Variants in DST observed in about 807,000 individuals in gnomAD.
DST encodes bullous pemphigoid antigen.
DST carries 253 observed loss-of-function variants against 875.2 expected under a neutral mutation model. The ratio of observed to expected loss-of-function variants is 0.29; its 90% CI spans 0.26 to 0.32. The LOEUF (loss-of-function observed/expected upper bound fraction) is 0.32. Among genes scored for constraint, DST ranks in the 10% least tolerant of loss-of-function variants. DST has a pLI of 1.00. For synonymous variants in DST, 3,124 were observed against 3,197.1 expected (o/e 0.98, Z 0.77); for missense variants, 8,287 against 9,111.6 (o/e 0.91, Z 3.68).
chr6:56,652,961 A>C (rs908695801), intron 10 of DST, among the ~76,000 whole-genome samples: 6 of 152,254 alleles, frequency 3.9e-5, no homozygotes, highest in African/African-American at 1.4e-4. Context: ...ATAGCAGTCT[A>C]GACAAAAACA....
chr6:56,823,258 A>C (rs1347712965), intron 4 of DST, among the ~76,000 whole-genome samples: 1 of 152,162 alleles, frequency 6.6e-6, no homozygotes, highest in East Asian at 1.9e-4. Flanking sequence ...GCCTCCCCTC[A>C]GTATTTTTGT....
chr6:56,619,861 G>A, intron 36 of DST: 1 of 1,614,040 alleles, frequency 6.2e-7, no homozygotes, highest in Non-Finnish European at 8.5e-7. Flanking sequence ...CAAGCTGGAG[G>A]GCATTAAGTT....
At chr6:56,843,126 G>A (rs749798463) in intron 4 of DST, 2 of 1,570,438 alleles carry the variant, frequency 1.3e-6, no homozygotes, top group Non-Finnish European at 1.7e-6. Flanking sequence ...GTAAGCAGCA[G>A]GGGAGAGGTA....
chr6:56,799,347 ACTAT>A (rs1281918588), intron 4 of DST, among the ~76,000 whole-genome samples: 3 of 149,786 alleles, frequency 2.0e-5, no homozygotes, highest in Non-Finnish European at 4.4e-5. Context: ...AGAGCAAGAA[ACTAT>A]CTCTCTTTTT....
rs1563463947 is a variant in DST at position 56,651,124 on chromosome 6, T to C, written c.1327+8A>G. On this transcript the variant is annotated splice_region_variant and intron_variant, in intron 11 of 103. Transcript: ENST00000680361. ...GCCAGTCCACATATAATCAAGAAAA[T>C]AACTCACCTTCAGGGTCCAGAAGTC... is the stretch of plus-strand genomic sequence containing the variant. The C allele has an allele frequency of 1.9e-6, 3 of 1,605,264 alleles. No individual in the cohort carries two copies. The highest frequency in any genetic ancestry group is 2.7e-5 in the African/African-American group (2 of 74,798).
chr6:56,466,270 G>A, intron 98 of DST, 75 bp from the exon 99 acceptor site: 1 of 1,021,928 alleles, frequency 9.8e-7, no homozygotes. Flanking sequence ...GCAATTTGCA[G>A]TAGCTAAAGC....
intron 4 of DST, 31 bp downstream of exon 4, chr6:56,851,366 C>T: frequency 6.3e-7 from 1 of 1,597,388 alleles, no homozygotes; most frequent in South Asian, 1.1e-5. Context: ...CTCTCTTCCC[C>T]CACTCCATCC....
chr6:56,843,661 C>T (rs1217172454), intron 4 of DST: 5 of 983,372 alleles, frequency 5.1e-6, no homozygotes, highest in East Asian at 2.3e-4. Context: ...ATTTCCTGGC[C>T]GCCGCGCCGC....
intron 9 of DST, among the ~76,000 whole-genome samples, chr6:56,687,750 T>A (rs74531142): frequency 6.6e-6 from 1 of 150,996 alleles, no homozygotes; most frequent in South Asian, 2.1e-4. Context: ...CAGAAACAAA[T>A]GTAATCAACA....
At chr6:56,942,934 C>T (rs763604652) in intron 2 of DST, among the ~76,000 whole-genome samples, 2 of 152,016 alleles carry the variant, frequency 1.3e-5, no homozygotes, top group Admixed American at 6.6e-5. Context: ...TTGCCCAGGC[C>T]GGTCTCGAAT....
At chr6:56,682,916 C>A (rs58481041) in intron 9 of DST, among the ~76,000 whole-genome samples, 1 of 152,178 alleles carries the variant, frequency 6.6e-6, no homozygotes, top group African/African-American at 2.4e-5. Flanking sequence ...AGTGCTGGAA[C>A]TCTCAAATGA....
chr6:56,756,682 TAA>T (rs1249956514), intron 4 of DST, among the ~76,000 whole-genome samples: 1 of 152,184 alleles, frequency 6.6e-6, no homozygotes, highest in African/African-American at 2.4e-5. Context: ...CATTTTTATC[TAA>T]GACAGAACAA....
chr6:56,471,843 T>C, intron 94 of DST: 1 of 585,234 alleles, frequency 1.7e-6, no homozygotes, highest in Non-Finnish European at 3.0e-6. Context: ...TTTTTTTTAC[T>C]TCATTGATTC....
intron 100 of DST, chr6:56,464,092 C>T (rs543240027): frequency 7.4e-6 from 3 of 405,010 alleles, no homozygotes; most frequent in South Asian, 4.2e-5. Flanking sequence ...AATCCACCAG[C>T]TACAGATGCC....
chr6:56,929,637 G>A (rs1809095558), intron 2 of DST, among the ~76,000 whole-genome samples: 1 of 152,096 alleles, frequency 6.6e-6, no homozygotes, highest in South Asian at 2.1e-4. Context: ...TATATGCTTT[G>A]ATTTTTGAAT....
At chr6:56,770,767 G>A (rs577762075) in intron 4 of DST, among the ~76,000 whole-genome samples, 126 of 152,260 alleles carry the variant, frequency 8.3e-4, no homozygotes, top group Admixed American at 2.6e-3. Flanking sequence ...TTGGGAGGCC[G>A]AGGTGGGTGG....
chr6:56,647,982 G>A (rs1009176477), intron 13 of DST, among the ~76,000 whole-genome samples: 9 of 152,096 alleles, frequency 5.9e-5, no homozygotes, highest in African/African-American at 1.7e-4. Flanking sequence ...CACCGCACCC[G>A]GCCTATAATG....
chr6:56,684,188 C>G (rs2152846757), intron 9 of DST, among the ~76,000 whole-genome samples: 1 of 152,322 alleles, frequency 6.6e-6, no homozygotes, highest in Non-Finnish European at 1.5e-5. Context: ...ATGGCATGCA[C>G]TGAGTACACA....
In DST at chr6:56,677,498, C is replaced by T. The variant is rs146895794; in HGVS notation, c.1048-6691G>A. On this transcript the variant is annotated intron_variant, in intron 9 of 103. Transcript: ENST00000680361. Reference sequence around the variant, plus strand: ...TGTCTGGCTAATTCTTTTAAATTTTCTGTGAGACAGGGGTCTCTTTTTGTT... The same window carrying T: ...TGTCTGGCTAATTCTTTTAAATTTTTTGTGAGACAGGGGTCTCTTTTTGTT... Among the ~76,000 whole-genome samples, 676 of 152,256 alleles carry T rather than the reference C, an allele frequency of 4.4e-3. 1 individual carries two copies. The highest frequency in any genetic ancestry group is 0.016 in the African/African-American group (648 of 41,550).
Sources: gnomAD v4.1 joint callset for allele counts (sites outside exome capture counted in the v4.1 genomes callset) on GRCh38, gnomAD v4.1.1 for gene constraint, MANE v1.5 for transcripts, NCBI Gene and HGNC (gene_info 2026-07-23, HGNC 2026-07-21) for gene names.